SEMA3E: variants seen among roughly 807,000 people sequenced by gnomAD.
SEMA3E encodes the protein semaphorin-3E.
In SEMA3E, 49 loss-of-function variants were observed where a neutral mutation model predicts 93.6. The ratio of observed to expected loss-of-function variants is 0.52; its 90% CI spans 0.42 to 0.66. SEMA3E has a LOEUF of 0.66. Among genes scored for constraint, SEMA3E ranks in the 30% least tolerant of loss-of-function variants. SEMA3E has a pLI of 0.00. For synonymous variants in SEMA3E, 363 were observed against 330.7 expected (o/e 1.10, Z -1.06); for missense variants, 906 against 964.8 (o/e 0.94, Z 0.81).
intron 4 of SEMA3E, among the ~76,000 whole-genome samples, chr7:83,455,384 A>G (rs1056579418): frequency 6.6e-6 from 1 of 152,212 alleles, no homozygotes; most frequent in Non-Finnish European, 1.5e-5. Context: ...AGCACTACAA[A>G]GTTCTAAAAA....
intron 1 of SEMA3E, among the ~76,000 whole-genome samples, chr7:83,572,454 C>A (rs1792306452): frequency 6.6e-6 from 1 of 152,016 alleles, no homozygotes; most frequent in African/African-American, 2.4e-5. Context: ...TCCTGGCCAA[C>A]ATGGTGAAAC....
chr7:83,591,405 G>T (rs541271509), intron 1 of SEMA3E, among the ~76,000 whole-genome samples: 4 of 151,542 alleles, frequency 2.6e-5, no homozygotes, highest in African/African-American at 9.7e-5. Context: ...CCAACTCCAA[G>T]TTTGAATAAA....
chr7:83,602,253 CAA>C (rs1793012011), intron 1 of SEMA3E, among the ~76,000 whole-genome samples: 1 of 152,088 alleles, frequency 6.6e-6, no homozygotes, highest in Non-Finnish European at 1.5e-5. Flanking sequence ...ACCAATAAGA[CAA>C]AGCTAGGAAA....
chr7:83,511,880 A>G (rs1430971808), intron 1 of SEMA3E, among the ~76,000 whole-genome samples: 1 of 152,156 alleles, frequency 6.6e-6, no homozygotes, highest in Non-Finnish European at 1.5e-5. Flanking sequence ...TGGCAACAAA[A>G]GTGAAACTGC....
chr7:83,370,995 G>T (rs1794742131), intron 16 of SEMA3E, among the ~76,000 whole-genome samples: 1 of 152,248 alleles, frequency 6.6e-6, no homozygotes, highest in Non-Finnish European at 1.5e-5. Flanking sequence ...ACCCAAAATT[G>T]CTTAATGTAG....
chr7:83,465,482 G>T (rs182431837), intron 4 of SEMA3E, among the ~76,000 whole-genome samples: 1 of 152,136 alleles, frequency 6.6e-6, no homozygotes, highest in Non-Finnish European at 1.5e-5. Flanking sequence ...CAAATACTTC[G>T]AATTATATTT....
chr7:83,459,914 C>T (rs565785954), intron 4 of SEMA3E, among the ~76,000 whole-genome samples: 50 of 152,252 alleles, frequency 3.3e-4, no homozygotes, highest in African/African-American at 1.1e-3. Context: ...GAGCACCTTG[C>T]GACCCCCACT....
chr7:83,615,508 G>C lies in SEMA3E; in HGVS notation c.115+32920C>G, dbSNP rs745569829. 2.7e-4 allele frequency among the ~76,000 whole-genome samples: 41 copies of C among 151,982 alleles called. 1 individual carries two copies. Among genetic ancestry groups the C allele is most frequent in the Non-Finnish European group, 4.1e-4 (28 of 67,988 alleles). ...ATGTGATCAACCATAGGTGAGTATG[G>C]GTCCCCTAGAAGCTGGCTGGGGAAG... On this transcript the variant is annotated intron_variant, in intron 1 of 16. Transcript: ENST00000643230.
At chr7:83,639,117 A>AAAAAAC (rs1793942694) in intron 1 of SEMA3E, among the ~76,000 whole-genome samples, 3 of 90,538 alleles carry the variant, frequency 3.3e-5, no homozygotes, top group African/African-American at 1.4e-4. Flanking sequence ...TCTCAAAAAA[A>AAAAAAC]AAAAAAAAAA....
At chr7:83,627,463 T>C (rs1223525240) in intron 1 of SEMA3E, among the ~76,000 whole-genome samples, 5 of 151,866 alleles carry the variant, frequency 3.3e-5, no homozygotes, top group African/African-American at 1.2e-4. Context: ...ATATTTAGGA[T>C]AGTTAGCGAA....
intron 1 of SEMA3E, among the ~76,000 whole-genome samples, chr7:83,542,038 G>A (rs969305548): frequency 1.2e-4 from 19 of 152,040 alleles, no homozygotes; most frequent in African/African-American, 4.1e-4. Flanking sequence ...CTACTGTGTA[G>A]TGACTCAGTG....
chr7:83,589,832 T>C (rs1792718579), intron 1 of SEMA3E, among the ~76,000 whole-genome samples: 1 of 152,128 alleles, frequency 6.6e-6, no homozygotes, highest in South Asian at 2.1e-4. Flanking sequence ...ATCATTCAAA[T>C]ATGAATGATC....
At chr7:83,520,642 T>C (rs1788790201) in intron 1 of SEMA3E, among the ~76,000 whole-genome samples, 1 of 152,080 alleles carries the variant, frequency 6.6e-6, no homozygotes, top group Non-Finnish European at 1.5e-5. Context: ...GTTACTAGAG[T>C]GCCAACATAC....
Position 83,469,244 on chromosome 7 carries a change from G to A in SEMA3E, c.335C>T (p.Ala112Val), listed in dbSNP as rs780025635. 4.0e-5 allele frequency: 65 copies of A among 1,605,168 alleles called. No homozygotes were observed. Among genetic ancestry groups the A allele is most frequent in the Middle Eastern group, 1.6e-4 (1 of 6,062 alleles). ...TAATTTACAATGAATCATACTTACC[G>A]CATCTTTTCCCTTCATTATGCATTC... ...MEECIMKGKDAGECANYVRVL... is the reference protein window; with the variant it reads ...MEECIMKGKDVGECANYVRVL... Residue 112 changes from alanine to valine, a missense_variant and splice_region_variant, in exon 3 of 17, where the codon GCG (alanine) becomes GTG (valine). Coordinates refer to ENST00000643230, the MANE Select transcript of SEMA3E (RefSeq NM_012431.3).
At chr7:83,613,905 T>C (rs1793315093) in intron 1 of SEMA3E, among the ~76,000 whole-genome samples, 1 of 152,128 alleles carries the variant, frequency 6.6e-6, no homozygotes, top group Non-Finnish European at 1.5e-5. Context: ...CTTCTAAAGA[T>C]GTAGCATCTC....
chr7:83,377,395 T>C (rs751208866), intron 16 of SEMA3E, among the ~76,000 whole-genome samples: 1 of 151,988 alleles, frequency 6.6e-6, no homozygotes, highest in Admixed American at 6.6e-5. Flanking sequence ...ATATAGTGAA[T>C]AATTTTGGCT....
At chr7:83,396,616 CT>C (rs1360145500) in intron 12 of SEMA3E, 21 bp downstream of exon 12, 6 of 1,430,186 alleles carry the variant, frequency 4.2e-6, no homozygotes, top group South Asian at 1.2e-5. Flanking sequence ...TAAATTTGGT[CT>C]GTATTTTTTG....
At chr7:83,550,543 A>G (rs1454509812) in intron 1 of SEMA3E, among the ~76,000 whole-genome samples, 1 of 152,110 alleles carries the variant, frequency 6.6e-6, no homozygotes, top group Non-Finnish European at 1.5e-5. Context: ...AAAATAATAC[A>G]TTCTAAATGT....
intron 1 of SEMA3E, among the ~76,000 whole-genome samples, chr7:83,635,215 AG>A (rs967592781): frequency 6.6e-6 from 1 of 151,998 alleles, no homozygotes; most frequent in Non-Finnish European, 1.5e-5. Context: ...GCTTAGGATC[AG>A]GAAAAATAAG....
Sources: gnomAD v4.1 joint callset for allele counts (sites outside exome capture counted in the v4.1 genomes callset) on GRCh38, gnomAD v4.1.1 for gene constraint, MANE v1.5 for transcripts, NCBI Gene and HGNC (gene_info 2026-07-23, HGNC 2026-07-21) for gene names.